The following PRTG variants were observed in gnomAD, a reference collection of about 807,000 sequenced individuals.
PRTG encodes the protein protogenin.
A neutral mutation model predicts 122.5 loss-of-function variants in PRTG; 67 were observed. That is an observed-to-expected ratio of 0.55 (90% confidence interval 0.45 to 0.67). The LOEUF is 0.67. PRTG is among the 30% of genes least tolerant of loss of function. PRTG has a pLI of 0.00. For missense variants in PRTG, 1,435 were observed against 1,415.4 expected (o/e 1.01, Z -0.22); for synonymous variants, 554 against 501.1 (o/e 1.11, Z -1.41).
chr15:55,624,255 C>A, intron 18 of PRTG, 87 bp downstream of exon 18: 1 of 1,159,642 alleles, frequency 8.6e-7, no homozygotes, highest in Non-Finnish European at 1.3e-6. Context: ...ATACATTCAA[C>A]ATACAATTTT....
intron 11 of PRTG, chr15:55,656,227 C>T (rs937436892): frequency 3.3e-5 from 13 of 388,936 alleles, no homozygotes; most frequent in Non-Finnish European, 5.5e-5. Flanking sequence ...CGCTCCACAT[C>T]GTGTCTCCAT....
chr15:55,621,674 A>C (rs1003381420), intron 18 of PRTG, among the ~76,000 whole-genome samples: 1 of 152,138 alleles, frequency 6.6e-6, no homozygotes, highest in Non-Finnish European at 1.5e-5. Flanking sequence ...AAAACAAACA[A>C]ACACAAAACA....
intron 13 of PRTG, 102 bp from the exon 14 acceptor site, chr15:55,638,778 A>C (rs1170298298): frequency 2.1e-6 from 2 of 932,308 alleles, no homozygotes; most frequent in African/African-American, 3.4e-5. Flanking sequence ...GTTATTTTTC[A>C]TTACCTCCTT....
chr15:55,682,971 T>C (rs914979554), intron 3 of PRTG, among the ~76,000 whole-genome samples: 3 of 152,236 alleles, frequency 2.0e-5, no homozygotes, highest in Admixed American at 6.5e-5. Flanking sequence ...CTTGATTCTA[T>C]TGTTTTCATT....
At position 55,702,935 on chromosome 15, in the gene PRTG, G is replaced by C; in HGVS notation, c.398-19004C>G. 3.0e-6 allele frequency: 3 copies of C among 985,232 alleles called. No homozygotes were observed. In the South Asian group the frequency reaches 1.4e-4, roughly 46 times the overall value. The allele number at this position is 985,232 out of a possible 1,614,324, so 61.0% of individuals were successfully genotyped here. On this transcript the variant is annotated intron_variant, in intron 2 of 19. Coordinates refer to ENST00000389286, the MANE Select transcript of PRTG (RefSeq NM_173814.6). ...GATCCAGCATATCCTGCAGACACAT[G>C]TCAGTTCCGGGGTCCCCTGACATTC...
Position 55,691,097 on chromosome 15 carries a change from C to T in PRTG, c.398-7166G>A, listed in dbSNP as rs564667507. ...ATCACCTGAGGTCAGGAGTTCGAGACCAACCTGGCCAACGTGATGAAACCC... is the reference window on the plus strand; with the variant it reads ...ATCACCTGAGGTCAGGAGTTCGAGATCAACCTGGCCAACGTGATGAAACCC... On this transcript the variant is annotated intron_variant, in intron 2 of 19. Coordinates refer to ENST00000389286, the MANE Select transcript of PRTG (RefSeq NM_173814.6). 9.9e-5 allele frequency among the ~76,000 whole-genome samples: 15 copies of T among 152,064 alleles called. 1 individual carries two copies. In the South Asian group the frequency reaches 2.7e-3, roughly 27 times the overall value.
At chr15:55,667,251 C>T (rs2059443999) in intron 11 of PRTG, among the ~76,000 whole-genome samples, 1 of 150,804 alleles carries the variant, frequency 6.6e-6, no homozygotes, top group African/African-American at 2.4e-5. Flanking sequence ...TCTTATATAG[C>T]TCTTACAGTT....
chr15:55,683,724 A>G (rs2059554264), intron 3 of PRTG, 63 bp downstream of exon 3: 2 of 1,377,560 alleles, frequency 1.5e-6, no homozygotes, highest in Non-Finnish European at 2.0e-6. Flanking sequence ...TTCTCCCTAT[A>G]TAATCTCATA....
intron 2 of PRTG, among the ~76,000 whole-genome samples, chr15:55,684,631 A>G (rs2141819844): frequency 6.6e-6 from 1 of 152,306 alleles, no homozygotes; most frequent in South Asian, 2.1e-4. Flanking sequence ...ATCAGGATGG[A>G]TAGAATAAAG....
In PRTG at chr15:55,615,467, T is replaced by G. The variant is rs2059137942; in HGVS notation, c.*4545A>C. The G allele has an allele frequency of 6.6e-6, 1 of 152,152 alleles. No individual in the cohort carries two copies. Among genetic ancestry groups the G allele is most frequent in the African/African-American group, 2.4e-5 (1 of 41,440 alleles). The allele number at this position is 152,152 out of a possible 1,614,324, so 9.4% of individuals were successfully genotyped here. A position where few individuals can be genotyped will look rare whatever the true frequency, so the allele number is the denominator to read the frequency against. Reference sequence around the variant, plus strand: ...TACACATTGCATTAGCCTGTGATCTTATGTCCTGAGCATAAATCAACTTAA... The same window carrying G: ...TACACATTGCATTAGCCTGTGATCTGATGTCCTGAGCATAAATCAACTTAA... On this transcript the variant is annotated 3_prime_UTR_variant, in exon 20 of 20. Transcript: ENST00000389286.
Position 55,742,863 on chromosome 15 carries a change from G to A in PRTG, c.69C>T (p.Leu23=). 1.3e-6 allele frequency: 2 copies of A among 1,537,764 alleles called. No homozygotes were observed. Among genetic ancestry groups the A allele is most frequent in the Non-Finnish European group, 1.8e-6 (2 of 1,140,970 alleles). The change falls in exon 1 of 20, where the codon CTC becomes CTT. Residue 23 remains leucine (L), a synonymous_variant. Transcript: ENST00000389286. The part of the protein sequence containing the change: ...PPGMLLRALL[L]LLLLSPLPGV... ...CTGGCAAAGGACTGAGCAGCAGCAG[G>A]AGCAGGAGCGCGCGGAGCAGCATCC...
intron 2 of PRTG, among the ~76,000 whole-genome samples, chr15:55,709,139 C>CTT (rs1417972054): frequency 6.7e-5 from 5 of 74,120 alleles, no homozygotes; most frequent in African/African-American, 2.9e-4. Context: ...GGGTGGGACT[C>CTT]TGTCTCAAAA....
At position 55,642,067 on chromosome 15, in the gene PRTG, G is replaced by A. The variant is rs918553139; in HGVS notation, c.2042-859C>T. Among the ~76,000 whole-genome samples, 21 of 149,806 alleles carry A rather than the reference G, an allele frequency of 1.4e-4. No individual in the cohort carries two copies. In the South Asian group the frequency reaches 4.2e-3, roughly 30 times the overall value. The stretch of plus-strand genomic sequence containing the variant: ...CGGGCGCCTGTAGTCCCAGCTACTC[G>A]GGAGGCTGAGGCAGGAGAATGGCGT... On this transcript the variant is annotated intron_variant, in intron 11 of 19. Transcript: ENST00000389286.
chr15:55,659,682 T>C (rs929830876), intron 11 of PRTG, among the ~76,000 whole-genome samples: 1 of 152,128 alleles, frequency 6.6e-6, no homozygotes, highest in African/African-American at 2.4e-5. Context: ...TCCTAGCACT[T>C]TGGGAGGCCG....
In PRTG at chr15:55,726,734, C is replaced by CA. The variant is rs751497048; in HGVS notation, c.397+13647dup. On this transcript the variant is annotated intron_variant, in intron 2 of 19. Transcript: ENST00000389286. Reference sequence around the variant, plus strand: ...AAACCAGAAGTAAAACTGGAAAACTCACACATATATGAAAATTAAACAACA... The same window carrying CA: ...AAACCAGAAGTAAAACTGGAAAACTCAACACATATATGAAAATTAAACAACA... Among the ~76,000 whole-genome samples the CA allele has an allele frequency of 1.4e-4, 21 of 151,212 alleles. No individual in the cohort carries two copies. In the South Asian group the frequency reaches 4.2e-3, roughly 30 times the overall value.
chr15:55,670,865 A>C (rs1008923691), intron 11 of PRTG, among the ~76,000 whole-genome samples: 14 of 150,628 alleles, frequency 9.3e-5, no homozygotes, highest in Non-Finnish European at 1.5e-4. Flanking sequence ...GTGCCATTAC[A>C]CTCCAGCCTG....
chr15:55,706,058 C>T (rs922083028), intron 2 of PRTG, among the ~76,000 whole-genome samples: 1 of 124,282 alleles, frequency 8.0e-6, no homozygotes, highest in African/African-American at 3.0e-5. Context: ...GACGGGATTT[C>T]ACCATGTTAG....
intron 2 of PRTG, among the ~76,000 whole-genome samples, chr15:55,721,485 T>C (rs2030820978): frequency 1.3e-5 from 2 of 152,230 alleles, no homozygotes; most frequent in Non-Finnish European, 2.9e-5. Context: ...AAATTTATTC[T>C]CCAACAACAT....
intron 2 of PRTG, among the ~76,000 whole-genome samples, chr15:55,710,107 T>A (rs990323674): frequency 2.0e-5 from 3 of 152,184 alleles, no homozygotes; most frequent in Non-Finnish European, 2.9e-5. Context: ...ACACAACCAT[T>A]AACAATGACT....
Sources: allele counts gnomAD v4.1 joint callset (sites outside exome capture counted in the v4.1 genomes callset), GRCh38; gene constraint gnomAD v4.1.1; transcripts MANE v1.5; gene names NCBI Gene and HGNC (gene_info 2026-07-23, HGNC 2026-07-21).